The following SMCHD1 variants were observed in gnomAD, a reference collection of about 807,000 sequenced individuals.
The protein encoded by SMCHD1 is structural maintenance of chromosomes flexible hinge domain containing 1.
SMCHD1 carries 78 observed loss-of-function variants against 254.7 expected under a neutral mutation model. The observed-to-expected ratio is 0.31, with a 90% CI of 0.26 to 0.37. The LOEUF is 0.37. SMCHD1 is among the 10% of genes least tolerant of loss of function. SMCHD1 has a pLI of 1.00. For synonymous variants in SMCHD1, 766 were observed against 794.9 expected, an observed-to-expected ratio of 0.96 and a Z score of 0.61; for missense variants, 1,840 against 2,408.1, an observed-to-expected ratio of 0.76 and a Z score of 4.94.
intron 41 of SMCHD1, 56 bp from the exon 42 acceptor site, chr18:2,775,678 A>T: frequency 6.8e-7 from 1 of 1,478,396 alleles, no homozygotes. Context: ...TTAACATAAT[A>T]TCAAATTTTT....
chr18:2,706,204 A>G (rs894769972), intron 14 of SMCHD1, among the ~76,000 whole-genome samples, 160 bp from the exon 15 acceptor site: 1 of 152,206 alleles, frequency 6.6e-6, no homozygotes, highest in Admixed American at 6.5e-5. Context: ...TATAAAAAAT[A>G]TAAACAAACA....
chr18:2,669,480 C>T (rs1427005877), intron 3 of SMCHD1, among the ~76,000 whole-genome samples: 1 of 152,168 alleles, frequency 6.6e-6, no homozygotes, highest in African/African-American at 2.4e-5. Flanking sequence ...ATTATAAGCA[C>T]CTTGATTTTC....
At chr18:2,708,537 A>G (rs2143265246) in intron 17 of SMCHD1, among the ~76,000 whole-genome samples, 3 of 152,170 alleles carry the variant, frequency 2.0e-5, no homozygotes, top group Middle Eastern at 6.8e-3. Context: ...TCTCTAAAAA[A>G]TAAATAAATC....
Position 2,803,512 on chromosome 18 carries a change from A to G in SMCHD1, c.*960A>G, listed in dbSNP as rs1334553357. On this transcript the variant is annotated 3_prime_UTR_variant, in exon 48 of 48. Coordinates refer to ENST00000320876, the MANE Select transcript of SMCHD1 (RefSeq NM_015295.3). ...CTGTGAAGTTATTTTGTAAGGACAT[A>G]CATTTGGTAAGTAAGTTTGTGTCCC... is the stretch of plus-strand genomic sequence containing the variant. 3 of 152,076 alleles carry G rather than the reference A, an allele frequency of 2.0e-5. No homozygotes were observed. The highest frequency in any genetic ancestry group is 7.2e-5 in the African/African-American group (3 of 41,430). The allele number at this position is 152,076 out of a possible 1,614,324, so 9.4% of individuals were successfully genotyped here.
chr18:2,725,328 T>C (rs4798019), intron 21 of SMCHD1, among the ~76,000 whole-genome samples: 3 of 151,890 alleles, frequency 2.0e-5, no homozygotes, highest in Non-Finnish European at 4.4e-5. Context: ...TCTCCTACTG[T>C]TTCTGTCCAC....
intron 34 of SMCHD1, among the ~76,000 whole-genome samples, chr18:2,758,049 T>G (rs957207362): frequency 4.0e-5 from 6 of 151,736 alleles, no homozygotes; most frequent in African/African-American, 9.7e-5. Context: ...TGTTTGCATA[T>G]ATAGATAGAT....
rs191338866 is a variant in SMCHD1, at chr18:2,702,041, A to G, written c.1647+1123A>G. Among the ~76,000 whole-genome samples, 381 of 152,264 alleles carry G rather than the reference A, an allele frequency of 2.5e-3. 1 individual carries two copies. Among genetic ancestry groups the G allele is most frequent in the Non-Finnish European group, 3.8e-3 (258 of 68,018 alleles). The stretch of plus-strand genomic sequence containing the variant: ...TTTATAATACACTTAGAATTCATTT[A>G]TAATATGGTGTTAGTTATCCAACAT... On this transcript the variant is annotated intron_variant, in intron 12 of 47. Transcript: ENST00000320876.
intron 21 of SMCHD1, 139 bp from the exon 22 acceptor site, chr18:2,726,313 T>G: frequency 4.5e-6 from 2 of 442,166 alleles, no homozygotes; most frequent in Non-Finnish European, 8.0e-6. Context: ...TATATGATAA[T>G]TTTAGTAAGT....
intron 45 of SMCHD1, among the ~76,000 whole-genome samples, chr18:2,791,143 C>T (rs532014012): frequency 6.6e-6 from 1 of 152,250 alleles, no homozygotes; most frequent in Admixed American, 6.5e-5. Context: ...AAGTCATATA[C>T]AAGAACAACA....
Position 2,700,568 on chromosome 18 carries a change from T to A in SMCHD1, c.1372T>A (p.Cys458Ser). The change falls in exon 11 of 48, where the codon TGT becomes AGT. Residue 458 changes from cysteine to serine, a missense_variant. Physicochemically the swap from Cys to Ser is moderately radical, Grantham distance 112. Transcript: ENST00000320876. ...KLKDEDDEDD[C>S]FILEKAARGK... ...AAAAGATGAAGATGATGAAGATGAT[T>A]GTTTCATACTTGAGAAAGCAGCTAG... 1.2e-6 allele frequency: 2 copies of A among 1,611,506 alleles called. No homozygotes were observed. The highest frequency in any genetic ancestry group is 4.5e-5 in the East Asian group (2 of 44,802).
chr18:2,668,314 G>A (rs1043025311), intron 3 of SMCHD1, among the ~76,000 whole-genome samples: 4 of 152,124 alleles, frequency 2.6e-5, no homozygotes, highest in African/African-American at 7.2e-5. Context: ...ATTACTATTG[G>A]CTACAGTGCC....
intron 8 of SMCHD1, among the ~76,000 whole-genome samples, chr18:2,696,422 A>G (rs1461217488): frequency 6.6e-6 from 1 of 152,128 alleles, no homozygotes; most frequent in African/African-American, 2.4e-5. Context: ...CCCTAATGTG[A>G]ACTGTGCATG....
chr18:2,793,881 T>C (rs1244683538), intron 45 of SMCHD1, among the ~76,000 whole-genome samples: 1 of 150,566 alleles, frequency 6.6e-6, no homozygotes, highest in African/African-American at 2.4e-5. Context: ...TGGGTAGATT[T>C]CTTTTTAAAA....
intron 20 of SMCHD1, among the ~76,000 whole-genome samples, chr18:2,723,910 T>A (rs1001287742): frequency 3.3e-5 from 5 of 152,062 alleles, no homozygotes; most frequent in Non-Finnish European, 7.4e-5. Context: ...CTATTTGTGT[T>A]TTACGATTCA....
chr18:2,688,058 T>C (rs2074092354), intron 5 of SMCHD1, among the ~76,000 whole-genome samples: 1 of 152,234 alleles, frequency 6.6e-6, no homozygotes, highest in South Asian at 2.1e-4. Context: ...TAGCAAGTTT[T>C]GAAGTAGCAA....
chr18:2,750,092 A>T lies in SMCHD1; in HGVS notation c.3977A>T (p.Asn1326Ile). 6.3e-7 allele frequency: 1 copy of T among 1,580,624 alleles called. No homozygotes were observed. The highest frequency in any genetic ancestry group is 8.6e-7 in the Non-Finnish European group (1 of 1,161,492). Residue 1326 changes from asparagine to isoleucine, a missense_variant, in exon 31 of 48, where the codon AAT becomes ATT. This residue lies in a region of SMCHD1 where 881 missense variants were observed against 1,009.5 expected (regional missense o/e 0.87). Transcript: ENST00000320876. ...AAAACAGATGAGAAAGGCAGGGCTA[A>T]TTTGGGAGTATTCAGTGTTTTTGCC... ...QHKTDEKGRA[N>I]LGVFSVFAPR... is the part of the protein sequence containing the mutation.
At chr18:2,795,623 A>G (rs977790311) in intron 45 of SMCHD1, among the ~76,000 whole-genome samples, 1 of 152,234 alleles carries the variant, frequency 6.6e-6, no homozygotes. Flanking sequence ...ACATGGAATT[A>G]TATTGAATAC....
At chr18:2,739,559 AT>A (rs747505483) in intron 27 of SMCHD1, 39 bp downstream of exon 27, 3 of 1,505,596 alleles carry the variant, frequency 2.0e-6, no homozygotes, top group South Asian at 1.1e-5. Flanking sequence ...CAACAAAAAA[AT>A]CTTCTGTGAT....
chr18:2,688,615 T>C lies in SMCHD1; in HGVS notation c.754-13T>C. 6.4e-7 allele frequency: 1 copy of C among 1,562,780 alleles called. No individual in the cohort carries two copies. The highest frequency in any genetic ancestry group is 8.7e-7 in the Non-Finnish European group (1 of 1,154,192). On this transcript the variant is annotated splice_polypyrimidine_tract_variant and intron_variant, in intron 6 of 47. Coordinates refer to ENST00000320876, the MANE Select transcript of SMCHD1 (RefSeq NM_015295.3). Reference sequence around the variant, plus strand: ...TTAGGAATTTAAAAAGTACTCTTTTTAATATTTAACAGATGATAAGCAAAC... The same window carrying C: ...TTAGGAATTTAAAAAGTACTCTTTTCAATATTTAACAGATGATAAGCAAAC...
Sources: allele counts gnomAD v4.1 joint callset (sites outside exome capture counted in the v4.1 genomes callset), GRCh38; gene constraint gnomAD v4.1.1; regional missense constraint gnomAD v4.1.1; transcripts MANE v1.5; gene names NCBI Gene and HGNC (gene_info 2026-07-23, HGNC 2026-07-21).